The following ACYP2 variants were observed in gnomAD, a reference collection of about 807,000 sequenced individuals.
ACYP2 encodes the protein acylphosphatase-2.
Under a neutral mutation model 11.2 loss-of-function variants are expected in ACYP2, and 12 were observed. That is an observed-to-expected ratio of 1.08 (90% CI 0.69 to 1.74). The LOEUF is 1.74. Among genes scored for constraint, ACYP2 ranks in the 40% most tolerant of loss-of-function variants. The pLI is 0.00. For synonymous variants in ACYP2, 43 were observed against 32.2 expected, an observed-to-expected ratio of 1.33 and a Z score of -1.13; for missense variants, 134 against 101.9, an observed-to-expected ratio of 1.31 and a Z score of -1.35.
At chr2:54,170,729 G>T (rs143653748) in intron 6 of ACYP2, among the ~76,000 whole-genome samples, 197 of 152,230 alleles carry the variant, frequency 1.3e-3, no homozygotes, top group African/African-American at 4.5e-3. Context: ...AAAAGGAAAG[G>T]TTAAGATTTG....
intron 6 of ACYP2, among the ~76,000 whole-genome samples, chr2:54,285,508 G>A (rs1329136305): frequency 6.6e-6 from 1 of 152,124 alleles, no homozygotes. Context: ...TGTTGTTAAC[G>A]TAGGTGTCTA....
intron 2 of ACYP2, among the ~76,000 whole-genome samples, chr2:54,012,505 C>A (rs754042338): frequency 8.5e-4 from 129 of 152,112 alleles, no homozygotes; most frequent in African/African-American, 2.7e-3. Flanking sequence ...ATGAGCAAGA[C>A]CCTGTCTCAA....
intron 6 of ACYP2, among the ~76,000 whole-genome samples, chr2:54,203,863 T>C (rs973599764): frequency 1.3e-5 from 2 of 152,138 alleles, no homozygotes; most frequent in Non-Finnish European, 2.9e-5. Flanking sequence ...AAATATAAAA[T>C]TTCTTCCAAT....
chr2:54,223,038 C>T (rs1685864952), intron 6 of ACYP2: 1 of 152,132 alleles, frequency 6.6e-6, no homozygotes. Context: ...AGCCCAGATA[C>T]CCAACAACTT....
At chr2:54,272,878 AT>A (rs1421509330) in intron 6 of ACYP2, among the ~76,000 whole-genome samples, 4 of 152,262 alleles carry the variant, frequency 2.6e-5, no homozygotes, top group African/African-American at 7.2e-5. Context: ...CTCATGTGGT[AT>A]CTCCTAAAAA....
intron 6 of ACYP2, among the ~76,000 whole-genome samples, chr2:54,182,680 TG>T (rs1406005804): frequency 6.6e-6 from 1 of 152,210 alleles, no homozygotes; most frequent in Non-Finnish European, 1.5e-5. Context: ...TGGACAGCCT[TG>T]TCTCTTGGGC....
At chr2:54,065,024 C>T (rs906595006) in intron 4 of ACYP2, among the ~76,000 whole-genome samples, 2 of 151,458 alleles carry the variant, frequency 1.3e-5, no homozygotes, top group African/African-American at 4.9e-5. Context: ...GCGAAGTTTG[C>T]ACTGAGCCGA....
intron 4 of ACYP2, among the ~76,000 whole-genome samples, chr2:54,129,305 A>C (rs1357078406): frequency 6.6e-6 from 1 of 152,006 alleles, no homozygotes; most frequent in Non-Finnish European, 1.5e-5. Context: ...TAAAATTTTT[A>C]TTTTTCTTTC....
intron 6 of ACYP2, among the ~76,000 whole-genome samples, chr2:54,173,087 G>C (rs1457097232): frequency 6.6e-6 from 1 of 152,194 alleles, no homozygotes; most frequent in South Asian, 2.1e-4. Flanking sequence ...ATGTCAAATG[G>C]TATTTCTACT....
intron 2 of ACYP2, among the ~76,000 whole-genome samples, chr2:54,000,500 A>C (rs562124506): frequency 6.6e-6 from 1 of 152,332 alleles, no homozygotes; most frequent in African/African-American, 2.4e-5. Flanking sequence ...TCATTTAGAA[A>C]AACCTGTGTC....
chr2:54,151,373 T>C (rs1018015661), intron 6 of ACYP2, among the ~76,000 whole-genome samples: 3 of 152,256 alleles, frequency 2.0e-5, no homozygotes, highest in African/African-American at 7.2e-5. Flanking sequence ...CATGAATGTC[T>C]GTGCAACCAG....
Position 54,015,679 on chromosome 2 carries a change from AC to A in ACYP2, c.63-35278del, listed in dbSNP as rs1558473102. 3.7e-3 allele frequency among the ~76,000 whole-genome samples: 563 copies of A among 151,106 alleles called. 7 individuals carry two copies. The highest frequency in any genetic ancestry group is 0.013 in the African/African-American group (541 of 40,820). On this transcript the variant is annotated intron_variant, in intron 2 of 6. Coordinates refer to ENST00000607452, the MANE Select transcript of ACYP2 (RefSeq NM_001320586.2). Reference sequence around the variant, plus strand: ...CACACACACACACACACACACACACACACACACACGGCAGAATCTCAGCCTG... The same window carrying A: ...CACACACACACACACACACACACACAACACACACGGCAGAATCTCAGCCTG...
intron 4 of ACYP2, among the ~76,000 whole-genome samples, chr2:54,084,144 G>A (rs192780454): frequency 1.3e-5 from 2 of 152,204 alleles, no homozygotes; most frequent in African/African-American, 4.8e-5. Context: ...GGAGGTGAAA[G>A]GTGACCTGAT....
chr2:54,099,241 C>G (rs1424504067), intron 4 of ACYP2, among the ~76,000 whole-genome samples: 1 of 152,150 alleles, frequency 6.6e-6, no homozygotes, highest in Admixed American at 6.5e-5. Flanking sequence ...CCAAATCAAG[C>G]TAATTAACGT....
chr2:54,192,933 G>T (rs948146277), intron 6 of ACYP2, among the ~76,000 whole-genome samples: 1 of 152,118 alleles, frequency 6.6e-6, no homozygotes, highest in African/African-American at 2.4e-5. Flanking sequence ...CCATGATTCA[G>T]TTACCTCCAC....
At position 54,082,368 on chromosome 2, in the gene ACYP2, C is replaced by T. The variant is rs1167859918; in HGVS notation, c.277+25008C>T. 1.3e-5 allele frequency among the ~76,000 whole-genome samples: 2 copies of T among 151,932 alleles called. 1 individual carries two copies. Among genetic ancestry groups the T allele is most frequent in the African/African-American group, 4.8e-5 (2 of 41,340 alleles). ...TCAAGCGGTTCTCCTGGCTCAGCCTCCTGAATAGCTGGGATTACAGGCGCA... is the reference window on the plus strand; with the variant it reads ...TCAAGCGGTTCTCCTGGCTCAGCCTTCTGAATAGCTGGGATTACAGGCGCA... On this transcript the variant is annotated intron_variant, in intron 4 of 6. Coordinates refer to ENST00000607452, the MANE Select transcript of ACYP2 (RefSeq NM_001320586.2).
At chr2:54,234,694 T>C (rs1172770422) in intron 6 of ACYP2, among the ~76,000 whole-genome samples, 1 of 152,230 alleles carries the variant, frequency 6.6e-6, no homozygotes, top group African/African-American at 2.4e-5. Context: ...AATTTTTTCC[T>C]TAAAAATTGA....
chr2:54,107,615 T>C (rs1370664124), intron 4 of ACYP2, among the ~76,000 whole-genome samples: 9 of 152,226 alleles, frequency 5.9e-5, no homozygotes, highest in Admixed American at 5.9e-4. Flanking sequence ...GGGCATTAAA[T>C]GGCTTATGAA....
rs906751793 is a variant in ACYP2 at position 54,047,276 on chromosome 2, C to T, written c.63-3682C>T. Among the ~76,000 whole-genome samples the T allele has an allele frequency of 3.3e-5, 5 of 152,250 alleles. No homozygotes were observed. The South Asian group carries it at 1.0e-3, about 32-fold the overall frequency. The stretch of plus-strand genomic sequence containing the variant: ...AACCGCAGGAGAGTAGGTGTTATTT[C>T]AAATCTGTGAATCATCACCACACAC... On this transcript the variant is annotated intron_variant, in intron 2 of 6. Transcript: ENST00000607452.
Sources: gnomAD v4.1 joint callset for allele counts (sites outside exome capture counted in the v4.1 genomes callset) on GRCh38, gnomAD v4.1.1 for gene constraint, MANE v1.5 for transcripts, NCBI Gene and HGNC (gene_info 2026-07-23, HGNC 2026-07-21) for gene names.